The following COL18A1 variants were observed in gnomAD, a reference collection of about 807,000 sequenced individuals.
COL18A1 encodes collagen alpha-1(XVIII) chain.
COL18A1 carries 133 observed loss-of-function variants against 168.0 expected under a neutral mutation model. That is an observed-to-expected ratio of 0.79 (90% CI 0.69 to 0.91). The LOEUF (loss-of-function observed/expected upper bound fraction) is 0.91. Among genes scored for constraint, COL18A1 ranks in the 40% least tolerant of loss-of-function variants. The probability of loss-of-function intolerance (pLI) is 0.00; values close to 1 mark genes in which losing one functional copy is unlikely to be tolerated. For synonymous variants in COL18A1, 949 were observed against 809.0 expected, an observed-to-expected ratio of 1.17 and a Z score of -2.94; for missense variants, 2,126 against 1,925.4, an observed-to-expected ratio of 1.10 and a Z score of -1.95.
chr21:45,509,234 G>A (rs1056678532), intron 38 of COL18A1, 122 bp from the exon 39 acceptor site: 25 of 1,344,492 alleles, frequency 1.9e-5, no homozygotes, highest in African/African-American at 7.3e-5. Flanking sequence ...AGTCGGGGGC[G>A]CAGCTCCCTG....
In COL18A1 at chr21:45,456,876, C is replaced by T; in HGVS notation, c.107-11366C>T. Reference sequence around the variant, plus strand: ...GGGTACTGTGTGCTCATTGGGCCGGCTGCAGGTAACTGGCCGGCCCCGATC... The same window carrying T: ...GGGTACTGTGTGCTCATTGGGCCGGTTGCAGGTAACTGGCCGGCCCCGATC... On this transcript the variant is annotated intron_variant, in intron 2 of 41. Coordinates refer to ENST00000651438, the MANE Select transcript of COL18A1 (RefSeq NM_001379500.1). 4 of 1,441,250 alleles carry T rather than the reference C, an allele frequency of 2.8e-6. No individual in the cohort carries two copies. In the South Asian group the frequency reaches 4.4e-5, roughly 16 times the overall value. The allele number at this position is 1,441,250 out of a possible 1,614,324, so 89.3% of individuals were successfully genotyped here.
chr21:45,432,241 G>A (rs1035293742), intron 2 of COL18A1, among the ~76,000 whole-genome samples: 17 of 86,270 alleles, frequency 2.0e-4, no homozygotes, highest in African/African-American at 1.7e-3. Flanking sequence ...GTCAGAGCTG[G>A]GGCTGGGGCT....
chr21:45,509,671 G>GC, intron 39 of COL18A1, 70 bp downstream of exon 39: 2 of 877,898 alleles, frequency 2.3e-6, no homozygotes, highest in South Asian at 1.4e-5. Flanking sequence ...AGAGGGCCCA[G>GC]CCCCTGCAGA....
At chr21:45,455,941 G>C (rs1255326726) in intron 2 of COL18A1, 1 of 1,613,078 alleles carries the variant, frequency 6.2e-7, no homozygotes, top group South Asian at 1.1e-5. Flanking sequence ...CTGAGAGCTT[G>C]GCCAGGGCGG....
At chr21:45,426,455 G>A (rs956595756) in intron 2 of COL18A1, among the ~76,000 whole-genome samples, 3 of 152,160 alleles carry the variant, frequency 2.0e-5, no homozygotes, top group Non-Finnish European at 2.9e-5. Context: ...GCGAGGCTGC[G>A]CTTGCTCTCC....
intron 32 of COL18A1, among the ~76,000 whole-genome samples, chr21:45,501,713 T>C (rs1277980489): frequency 7.3e-6 from 1 of 137,554 alleles, no homozygotes; most frequent in Non-Finnish European, 1.6e-5. Flanking sequence ...GCCGGTCACC[T>C]CCCTCTGCAG....
intron 39 of COL18A1, among the ~76,000 whole-genome samples, 185 bp downstream of exon 39, chr21:45,509,786 G>T (rs1393395605): frequency 6.6e-6 from 1 of 152,158 alleles, no homozygotes; most frequent in Admixed American, 6.5e-5. Context: ...TGGCCAAGCA[G>T]TGGTCATGAA....
intron 2 of COL18A1, chr21:45,455,456 G>A (rs2034760844): frequency 2.5e-6 from 4 of 1,593,194 alleles, no homozygotes; most frequent in African/African-American, 1.3e-5. Flanking sequence ...AGGGCAGGAG[G>A]GCGTGAGCCT....
intron 2 of COL18A1, among the ~76,000 whole-genome samples, chr21:45,437,442 ACACTCACT>A (rs141122516): frequency 4.6e-5 from 2 of 43,136 alleles, no homozygotes; most frequent in African/African-American, 1.3e-4. Context: ...CTGCACACAC[ACACTCACT>A]CACAGACAGA....
rs1365959903 is a variant in COL18A1, at chr21:45,467,515, A to G, written c.107-727A>G. Reference sequence around the variant, plus strand: ...GGGAGATACAGCTTGTCCTTGCCACATGAAGCACCTGGCCCAGCAGGTGAG... The same window carrying G: ...GGGAGATACAGCTTGTCCTTGCCACGTGAAGCACCTGGCCCAGCAGGTGAG... On this transcript the variant is annotated intron_variant, in intron 2 of 41. Transcript: ENST00000651438. 3.4e-6 allele frequency: 3 copies of G among 872,460 alleles called. No individual in the cohort carries two copies. In the African/African-American group the frequency reaches 5.5e-5, roughly 16 times the overall value. The allele number at this position is 872,460 out of a possible 1,614,324, so 54.0% of individuals were successfully genotyped here.
intron 26 of COL18A1, 38 bp downstream of exon 26, chr21:45,493,613 G>C: frequency 6.9e-7 from 1 of 1,459,664 alleles, no homozygotes; most frequent in Middle Eastern, 2.1e-4. Context: ...AGGCGTGGGG[G>C]CTCCTGGGGC....
At chr21:45,493,783 C>T (rs1344740320) in intron 26 of COL18A1, 2 of 587,658 alleles carry the variant, frequency 3.4e-6, no homozygotes, top group Admixed American at 3.0e-5. Context: ...CCCTGCCCCT[C>T]GTCCTCTCCC....
chr21:45,485,448 A>G lies in COL18A1; in HGVS notation c.1702-1413A>G, dbSNP rs533032764. On this transcript the variant is annotated intron_variant, in intron 15 of 41. Transcript: ENST00000651438. ...GAGTTCAAGGCTATAGTAAGCTACA[A>G]TCATGCCACTGTGCTCTAGCCTGGG... 1.1e-4 allele frequency among the ~76,000 whole-genome samples: 16 copies of G among 152,140 alleles called. No homozygotes were observed. The East Asian group carries it at 2.1e-3, about 20-fold the overall frequency.
rs1169862350 is a variant in COL18A1 at position 45,455,742 on chromosome 21, C to T, written c.107-12500C>T. 4 of 1,613,832 alleles carry T rather than the reference C, an allele frequency of 2.5e-6. No individual in the cohort carries two copies. The highest frequency in any genetic ancestry group is 2.2e-5 in the East Asian group (1 of 44,870). ...CACGTGACCCCCCGGAATGGTTCCA[C>T]AGAGCCAGCGACAGCCCCTGGCAGC... On this transcript the variant is annotated intron_variant, in intron 2 of 41. Transcript: ENST00000651438.
intron 6 of COL18A1, 36 bp from the exon 7 acceptor site, chr21:45,477,375 G>A (rs2035714581): frequency 1.3e-6 from 2 of 1,577,036 alleles, no homozygotes; most frequent in East Asian, 4.6e-5. Flanking sequence ...GCCACCCGGG[G>A]GGCGTGACCG....
intron 22 of COL18A1, among the ~76,000 whole-genome samples, chr21:45,492,162 G>C (rs968249084): frequency 6.6e-6 from 1 of 152,194 alleles, no homozygotes; most frequent in Admixed American, 6.5e-5. Flanking sequence ...CAGGCATCGG[G>C]AGGCAGGGGC....
At position 45,487,319 on chromosome 21, in the gene COL18A1, C is replaced by T. The variant is rs750508721; in HGVS notation, c.1834-128C>T. On this transcript the variant is annotated intron_variant, in intron 16 of 41. Coordinates refer to ENST00000651438, the MANE Select transcript of COL18A1 (RefSeq NM_001379500.1). ...CAGGTAGACAGTCCCCATCTGAGAA[C>T]GGCGGCTCCCCAGGCCACCGTGGCC... is the stretch of plus-strand genomic sequence containing the variant. 1.4e-5 allele frequency: 15 copies of T among 1,106,178 alleles called. No homozygotes were observed. The South Asian group carries it at 1.7e-4, about 13-fold the overall frequency. 68.5% of individuals were successfully genotyped at this position (1,106,178 alleles called of 1,614,324 possible).
Position 45,498,196 on chromosome 21 carries a change from T to C in COL18A1, c.2683+535T>C. 1 of 698,166 alleles carries C rather than the reference T, an allele frequency of 1.4e-6. No individual in the cohort carries two copies. 43.2% of individuals were successfully genotyped at this position (698,166 alleles called of 1,614,324 possible). ...TCCTGCCAAGACCACTGAGAACAGC[T>C]GGATAAAATGTGAGAAAACCACTGT... On this transcript the variant is annotated intron_variant, in intron 32 of 41. Coordinates refer to ENST00000651438, the MANE Select transcript of COL18A1 (RefSeq NM_001379500.1). The surrounding 1 kb of genome is among the most constrained non-coding windows in gnomAD (Gnocchi z 4.5).
chr21:45,411,154 C>T (rs936392558), intron 2 of COL18A1, among the ~76,000 whole-genome samples: 3 of 152,164 alleles, frequency 2.0e-5, no homozygotes, highest in Non-Finnish European at 2.9e-5. Context: ...GGGCCTGTGG[C>T]GAAGTCCCAG....
Sources: gnomAD v4.1 joint callset for allele counts (sites outside exome capture counted in the v4.1 genomes callset) on GRCh38, gnomAD v4.1.1 for gene constraint, Gnocchi (gnomAD v3.1) non-coding constraint, MANE v1.5 for transcripts, NCBI Gene and HGNC (gene_info 2026-07-23, HGNC 2026-07-21) for gene names.